UBR2: variants seen among roughly 807,000 people sequenced by gnomAD.
The protein encoded by UBR2 is ubiquitin protein ligase E3 component n-recognin 2, also known as E3 ubiquitin-protein ligase UBR2.
A neutral mutation model predicts 247.9 loss-of-function variants in UBR2; 92 were observed. That is an observed-to-expected ratio of 0.37 (90% CI 0.31 to 0.44). UBR2 has a LOEUF of 0.44. Among genes scored for constraint, UBR2 ranks in the 20% least tolerant of loss-of-function variants. The pLI, the probability that UBR2 is intolerant of heterozygous loss-of-function variation, is 1.00. For missense variants in UBR2, 1,613 were observed against 2,112.6 expected (o/e 0.76, Z 4.64); for synonymous variants, 672 against 693.5 (o/e 0.97, Z 0.49).
At chr6:42,598,823 T>C (rs959802029) in intron 4 of UBR2, among the ~76,000 whole-genome samples, 1 of 152,238 alleles carries the variant, frequency 6.6e-6, no homozygotes. Flanking sequence ...TGAAAATTTA[T>C]GTGATCTCTA....
chr6:42,618,655 G>A (rs1015283080), intron 11 of UBR2, among the ~76,000 whole-genome samples: 1 of 152,196 alleles, frequency 6.6e-6, no homozygotes, highest in Non-Finnish European at 1.5e-5. Flanking sequence ...AGATCATGCT[G>A]TCTGTAATTT....
chr6:42,632,959 T>TA, intron 13 of UBR2, 55 bp downstream of exon 13: 1 of 445,160 alleles, frequency 2.2e-6, no homozygotes, highest in Non-Finnish European at 3.1e-6. Context: ...CTCTTTTCTC[T>TA]TTTTTTTTTT....
rs567135853 is a variant in UBR2, at chr6:42,603,072, C to T, written c.532-516C>T. ...CTATTAACATGCATGCACGTCTCAC[C>T]CTGCTGAGAGAAAGTAGACAAGAGA... On this transcript the variant is annotated intron_variant, in intron 4 of 46. Transcript: ENST00000372901. 2.0e-4 allele frequency among the ~76,000 whole-genome samples: 30 copies of T among 152,214 alleles called. No homozygotes were observed. The South Asian group carries it at 6.2e-3, about 32-fold the overall frequency.
chr6:42,571,089 AT>A (rs1208914470), intron 1 of UBR2, among the ~76,000 whole-genome samples: 17 of 150,200 alleles, frequency 1.1e-4, no homozygotes, highest in Non-Finnish European at 1.8e-4. Flanking sequence ...AGACTGCATA[AT>A]TTTTTTTTAG....
At chr6:42,633,911 A>G (rs143571830) in intron 13 of UBR2, among the ~76,000 whole-genome samples, 7,663 of 150,988 alleles carry the variant, frequency 0.051, 245 homozygotes, top group Non-Finnish European at 0.076. Context: ...TTGTATTTTT[A>G]GTAGAGACGA....
At position 42,564,412 on chromosome 6, in the gene UBR2, C is replaced by G; in HGVS notation, c.78+15C>G. 3 of 1,605,152 alleles carry G rather than the reference C, an allele frequency of 1.9e-6. No homozygotes were observed. The highest frequency in any genetic ancestry group is 2.6e-6 in the Non-Finnish European group (3 of 1,176,414). On this transcript the variant is annotated intron_variant, in intron 1 of 46. Transcript: ENST00000372901. ...AGATTGCGGGGGTGAGTGCCGGAAC[C>G]CGGGCGGGTGCGTCTGCCCCTCGCA...
At chr6:42,668,915 A>G (rs1242730708) in intron 34 of UBR2, among the ~76,000 whole-genome samples, 2 of 146,404 alleles carry the variant, frequency 1.4e-5, no homozygotes, top group African/African-American at 2.5e-5. Context: ...TCTATTTTCT[A>G]TTACTACTTT....
chr6:42,655,184 T>C (rs1188316964), intron 25 of UBR2, among the ~76,000 whole-genome samples: 1 of 152,084 alleles, frequency 6.6e-6, no homozygotes, highest in African/African-American at 2.4e-5. Context: ...TTAATAAAAA[T>C]TAGTACTTCA....
chr6:42,640,383 G>GGTGTGTGTGTGT (rs61668810), intron 16 of UBR2, 113 bp downstream of exon 16: 171 of 174,278 alleles, frequency 9.8e-4, no homozygotes, highest in Admixed American at 2.0e-3. Flanking sequence ...GAACCAGTAA[G>GGTGTGTGTGTGT]GTGTGTGTGT....
intron 42 of UBR2, among the ~76,000 whole-genome samples, chr6:42,681,356 A>C (rs1375573447): frequency 1.3e-5 from 2 of 152,090 alleles, no homozygotes; most frequent in Non-Finnish European, 2.9e-5. Context: ...ACAGATCAAG[A>C]CCCTGTATCA....
At chr6:42,651,507 A>C (rs114410652) in intron 23 of UBR2, among the ~76,000 whole-genome samples, 3 of 150,418 alleles carry the variant, frequency 2.0e-5, no homozygotes, top group African/African-American at 7.3e-5. Context: ...TTTATTTTTT[A>C]TTTTTTTTGA....
At chr6:42,631,276 G>A (rs1023726896) in intron 11 of UBR2, among the ~76,000 whole-genome samples, 1 of 152,276 alleles carries the variant, frequency 6.6e-6, no homozygotes, top group Non-Finnish European at 1.5e-5. Flanking sequence ...GTATCAGAGT[G>A]CAAAATGAAG....
intron 34 of UBR2, among the ~76,000 whole-genome samples, chr6:42,668,897 C>T (rs911941825): frequency 2.6e-5 from 4 of 151,468 alleles, no homozygotes; most frequent in African/African-American, 9.7e-5. Context: ...TATTACTATA[C>T]TATTACTTCT....
rs761451266 is a variant in UBR2, at chr6:42,689,724, G to A, written c.5126+54G>A. The A allele has an allele frequency of 1.8e-4, 266 of 1,497,196 alleles. No homozygotes were observed. Among genetic ancestry groups the A allele is most frequent in the Non-Finnish European group, 2.5e-4 (264 of 1,074,540 alleles). 92.7% of individuals were successfully genotyped at this position (1,497,196 alleles called of 1,614,324 possible). A position where few individuals can be genotyped will look rare whatever the true frequency, so the allele number is the denominator to read the frequency against. On this transcript the variant is annotated intron_variant, in intron 46 of 46. Coordinates refer to ENST00000372901, the MANE Select transcript of UBR2 (RefSeq NM_001363705.2). The surrounding 1 kb of genome is among the most constrained non-coding windows in gnomAD (Gnocchi z 4.0). Reference sequence around the variant, plus strand: ...CAGGGCCTGCAGCGCCCTTCCGTATGTGGTGACGTCCTGAGGGTGGAGGGC... The same window carrying A: ...CAGGGCCTGCAGCGCCCTTCCGTATATGGTGACGTCCTGAGGGTGGAGGGC...
chr6:42,652,778 G>T (rs1395135614), intron 25 of UBR2, 133 bp downstream of exon 25: 6 of 844,806 alleles, frequency 7.1e-6, no homozygotes, highest in Non-Finnish European at 8.9e-6. Flanking sequence ...TATTGTTACT[G>T]CTTTTGTGTC....
chr6:42,594,476 C>T (rs1240351919), intron 4 of UBR2, among the ~76,000 whole-genome samples, 172 bp downstream of exon 4: 1 of 152,150 alleles, frequency 6.6e-6, no homozygotes, highest in Admixed American at 6.5e-5. Flanking sequence ...GCTAATAGTA[C>T]ACAGTTGAAA....
In UBR2 at chr6:42,644,233, A is replaced by G. The variant is rs773195242; in HGVS notation, c.2117A>G (p.Asp706Gly). Reference sequence around the variant, plus strand: ...AAAAAGACAGGTGTCTCCATGATGGATCCAAATCATTTCCTGATGATCATG... The same window carrying G: ...AAAAAGACAGGTGTCTCCATGATGGGTCCAAATCATTTCCTGATGATCATG... Reference protein sequence around the residue: ...VMLQTGVSMMDPNHFLMIMLS... With the variant: ...VMLQTGVSMMGPNHFLMIMLS... Residue 706 changes from aspartate to glycine, a missense_variant, in exon 19 of 47, where the codon GAT becomes GGT. Coordinates refer to ENST00000372901, the MANE Select transcript of UBR2 (RefSeq NM_001363705.2). 6.2e-7 allele frequency: 1 copy of G among 1,609,692 alleles called. No homozygotes were observed. The highest frequency in any genetic ancestry group is 1.1e-5 in the South Asian group (1 of 90,544).
intron 8 of UBR2, among the ~76,000 whole-genome samples, chr6:42,613,990 C>T (rs1696151210): frequency 6.6e-6 from 1 of 151,118 alleles, no homozygotes; most frequent in Non-Finnish European, 1.5e-5. Flanking sequence ...GCCTGGCCAA[C>T]ATGGTGTGAA....
At chr6:42,688,434 GACTGTTAGGGTGTCACAGGAAACT>G (rs746544824) in intron 45 of UBR2, 48 bp downstream of exon 45, 1 of 1,597,588 alleles carries the variant, frequency 6.3e-7, no homozygotes, top group South Asian at 1.1e-5. Flanking sequence ...CTCAGTATCT[GACTGTTAGGGTGTCACAGGAAACT>G]ACTATATTGC....
Sources: gnomAD v4.1 joint callset for allele counts (sites outside exome capture counted in the v4.1 genomes callset) on GRCh38, gnomAD v4.1.1 for gene constraint, Gnocchi (gnomAD v3.1) non-coding constraint, MANE v1.5 for transcripts, NCBI Gene and HGNC (gene_info 2026-07-23, HGNC 2026-07-21) for gene names.